Variants in DSCAM observed in about 807,000 individuals in gnomAD.
DSCAM encodes the protein DS cell adhesion molecule.
Under a neutral mutation model 217.7 loss-of-function variants are expected in DSCAM, and 47 were observed. The observed-to-expected ratio is 0.22, with a 90% CI of 0.17 to 0.28. The LOEUF (loss-of-function observed/expected upper bound fraction) is 0.28. DSCAM is among the 10% of genes least tolerant of loss of function. The pLI is 1.00. For synonymous variants in DSCAM, 1,056 were observed against 1,015.3 expected, an observed-to-expected ratio of 1.04 and a Z score of -0.76; for missense variants, 2,080 against 2,618.3, an observed-to-expected ratio of 0.79 and a Z score of 4.49.
intron 3 of DSCAM, among the ~76,000 whole-genome samples, chr21:40,583,493 C>T (rs2076920732): frequency 6.6e-6 from 1 of 152,168 alleles, no homozygotes; most frequent in African/African-American, 2.4e-5. Flanking sequence ...CCTGACTCTG[C>T]TGTCCCCACC....
intron 27 of DSCAM, among the ~76,000 whole-genome samples, chr21:40,073,795 C>T (rs913734443): frequency 2.0e-5 from 3 of 152,284 alleles, no homozygotes; most frequent in African/African-American, 7.2e-5. Context: ...GTGTATTAAG[C>T]ACCTAGCATT....
chr21:40,724,516 T>A (rs1018571626), intron 1 of DSCAM, among the ~76,000 whole-genome samples: 1 of 152,006 alleles, frequency 6.6e-6, no homozygotes, highest in Non-Finnish European at 1.5e-5. Context: ...ATTACAAAAT[T>A]GAATGTCCAA....
chr21:40,767,985 G>C (rs893432347), intron 1 of DSCAM, among the ~76,000 whole-genome samples: 2 of 152,050 alleles, frequency 1.3e-5, no homozygotes, highest in East Asian at 3.8e-4. Context: ...CAAATGTTCA[G>C]TGACAGGGAC....
chr21:40,291,703 A>G (rs1208021172), intron 10 of DSCAM, among the ~76,000 whole-genome samples: 1 of 151,498 alleles, frequency 6.6e-6, no homozygotes, highest in African/African-American at 2.4e-5. Flanking sequence ...GACTTTCCCT[A>G]CTCCTGGGGT....
chr21:40,775,111 A>G (rs1162727933), intron 1 of DSCAM, among the ~76,000 whole-genome samples: 3 of 152,188 alleles, frequency 2.0e-5, no homozygotes, highest in African/African-American at 7.2e-5. Context: ...ATCCTGAAAG[A>G]TTGAAATCCC....
At chr21:40,227,677 A>G (rs542003874) in intron 11 of DSCAM, among the ~76,000 whole-genome samples, 1 of 152,280 alleles carries the variant, frequency 6.6e-6, no homozygotes, top group Non-Finnish European at 1.5e-5. Context: ...TTGGTTTTTC[A>G]AAGTAATAAG....
intron 4 of DSCAM, among the ~76,000 whole-genome samples, chr21:40,360,703 C>T (rs538444845): frequency 3.7e-4 from 56 of 152,222 alleles, no homozygotes; most frequent in African/African-American, 1.2e-3. Flanking sequence ...TTTTATTTAT[C>T]CAATCTACCA....
At chr21:40,671,500 T>TCCC (rs147341396) in intron 3 of DSCAM, among the ~76,000 whole-genome samples, 75 of 150,786 alleles carry the variant, frequency 5.0e-4, no homozygotes, top group African/African-American at 1.6e-3. Flanking sequence ...ATAGTGAAAC[T>TCCC]CCCCCCCCGC....
chr21:40,118,535 C>A (rs1389910979), intron 20 of DSCAM, among the ~76,000 whole-genome samples: 1 of 151,996 alleles, frequency 6.6e-6, no homozygotes, highest in Admixed American at 6.6e-5. Flanking sequence ...TGCAGTGAGC[C>A]GAGATTGCGC....
In DSCAM at chr21:40,715,265, GA is replaced by G. The variant is rs2090829478; in HGVS notation, c.44-6495del. On this transcript the variant is annotated intron_variant, in intron 1 of 32. Transcript: ENST00000400454. ...TCATTATATGCCTGCCTTTATTCCG[GA>G]AAGTCAGATCTAGGGGAAGCTGTGT... is the stretch of plus-strand genomic sequence containing the variant. Among the ~76,000 whole-genome samples, 10 of 152,262 alleles carry G rather than the reference GA, an allele frequency of 6.6e-5. No homozygotes were observed. The South Asian group carries it at 2.1e-3, about 32-fold the overall frequency.
intron 3 of DSCAM, among the ~76,000 whole-genome samples, chr21:40,502,836 T>G (rs1018280628): frequency 1.3e-5 from 2 of 152,220 alleles, no homozygotes; most frequent in Non-Finnish European, 2.9e-5. Context: ...CAGGCATTTT[T>G]GGGGAGTCAT....
chr21:40,464,606 A>C (rs542208781), intron 3 of DSCAM, among the ~76,000 whole-genome samples: 3 of 152,176 alleles, frequency 2.0e-5, no homozygotes, highest in Admixed American at 1.3e-4. Context: ...ACTCCTGTCC[A>C]GCCCACTTTT....
At chr21:40,634,541 A>T (rs770411104) in intron 3 of DSCAM, among the ~76,000 whole-genome samples, 12 of 152,204 alleles carry the variant, frequency 7.9e-5, no homozygotes, top group African/African-American at 2.9e-4. Context: ...CTCAGATGCA[A>T]CACGATGGCC....
At chr21:40,323,420 T>C (rs2074282000) in intron 8 of DSCAM, among the ~76,000 whole-genome samples, 1 of 152,232 alleles carries the variant, frequency 6.6e-6, no homozygotes, top group Non-Finnish European at 1.5e-5. Flanking sequence ...GGACTGGGAC[T>C]AGAAGAGAAT....
intron 1 of DSCAM, among the ~76,000 whole-genome samples, chr21:40,788,093 T>C (rs1326156582): frequency 6.6e-6 from 1 of 152,210 alleles, no homozygotes; most frequent in Non-Finnish European, 1.5e-5. Context: ...CTGTCCACTT[T>C]CCTCGCCCTC....
chr21:40,775,555 A>G (rs1175287508), intron 1 of DSCAM, among the ~76,000 whole-genome samples: 1 of 152,178 alleles, frequency 6.6e-6, no homozygotes, highest in Non-Finnish European at 1.5e-5. Flanking sequence ...CAGCAACAAA[A>G]GCTTACAACG....
At chr21:40,462,792 G>T (rs1490376153) in intron 3 of DSCAM, among the ~76,000 whole-genome samples, 1 of 152,176 alleles carries the variant, frequency 6.6e-6, no homozygotes, top group Non-Finnish European at 1.5e-5. Flanking sequence ...ACCCTAAGGT[G>T]AAAGCTAGAG....
At chr21:40,466,817 T>C (rs2837640) in intron 3 of DSCAM, among the ~76,000 whole-genome samples, 1 of 152,004 alleles carries the variant, frequency 6.6e-6, no homozygotes, top group Admixed American at 6.6e-5. Context: ...AAGGTTCCAA[T>C]GATACTGTGG....
At chr21:40,745,767 T>G (rs978324391) in intron 1 of DSCAM, among the ~76,000 whole-genome samples, 5 of 152,138 alleles carry the variant, frequency 3.3e-5, no homozygotes, top group African/African-American at 1.2e-4. Context: ...AATACTATAA[T>G]ATTGTAATTG....
Sources: gnomAD v4.1 joint callset for allele counts (sites outside exome capture counted in the v4.1 genomes callset) on GRCh38, gnomAD v4.1.1 for gene constraint, MANE v1.5 for transcripts, NCBI Gene and HGNC (gene_info 2026-07-23, HGNC 2026-07-21) for gene names.